Variants in PTPRD observed in about 807,000 individuals in gnomAD.
The protein encoded by PTPRD is receptor-type tyrosine-protein phosphatase delta.
PTPRD carries 34 observed loss-of-function variants against 214.5 expected under a neutral mutation model. The ratio of observed to expected loss-of-function variants is 0.16; its 90% CI spans 0.12 to 0.21. The LOEUF is 0.21. Among genes scored for constraint, PTPRD ranks in the 10% least tolerant of loss-of-function variants. The pLI, the probability that PTPRD is intolerant of heterozygous loss-of-function variation, is 1.00. For synonymous variants in PTPRD, 1,128 were observed against 845.7 expected, an observed-to-expected ratio of 1.33 and a Z score of -5.79; for missense variants, 2,545 against 2,398.7, an observed-to-expected ratio of 1.06 and a Z score of -1.27.
chr9:8,841,224 A>C (rs530749241), intron 11 of PTPRD, among the ~76,000 whole-genome samples: 1 of 152,178 alleles, frequency 6.6e-6, no homozygotes, highest in African/African-American at 2.4e-5. Context: ...ACATAAGCAC[A>C]ATTAAAAAAC....
intron 20 of PTPRD, among the ~76,000 whole-genome samples, chr9:8,520,995 G>C (rs1407970): frequency 0.8 from 122,075 of 152,044 alleles, 49,919 homozygotes; most frequent in African/African-American, 0.95. Flanking sequence ...TCGACCATGT[G>C]TAAAATTCCT....
At chr9:10,011,693 A>T (rs2096603429) in intron 4 of PTPRD, among the ~76,000 whole-genome samples, 1 of 152,012 alleles carries the variant, frequency 6.6e-6, no homozygotes, top group Admixed American at 6.6e-5. Context: ...AACTCTGGAC[A>T]TTTGTGGATT....
intron 11 of PTPRD, among the ~76,000 whole-genome samples, chr9:8,938,074 T>G (rs1348561355): frequency 6.6e-6 from 1 of 152,164 alleles, no homozygotes; most frequent in African/African-American, 2.4e-5. Context: ...TGAACAATTT[T>G]AATAACATGA....
chr9:10,025,668 T>A (rs900116552), intron 4 of PTPRD, among the ~76,000 whole-genome samples: 1 of 152,182 alleles, frequency 6.6e-6, no homozygotes, highest in Admixed American at 6.5e-5. Flanking sequence ...AAAAATTAGA[T>A]AACCTTTAAA....
chr9:9,153,527 G>A (rs1046971018), intron 10 of PTPRD, among the ~76,000 whole-genome samples: 3 of 152,116 alleles, frequency 2.0e-5, no homozygotes, highest in African/African-American at 7.2e-5. Context: ...TTCTCCATAT[G>A]CCATAAGGTA....
At chr9:10,273,195 G>C (rs972606926) in intron 3 of PTPRD, among the ~76,000 whole-genome samples, 1 of 152,128 alleles carries the variant, frequency 6.6e-6, no homozygotes, top group Non-Finnish European at 1.5e-5. Flanking sequence ...ATACACATGA[G>C]AGCTTGGAAA....
chr9:8,691,469 A>G (rs1015895862), intron 12 of PTPRD, among the ~76,000 whole-genome samples: 1 of 146,370 alleles, frequency 6.8e-6, no homozygotes, highest in Non-Finnish European at 1.5e-5. Context: ...TAAAGAGAGT[A>G]GCAGCAACAT....
chr9:9,930,315 C>G (rs1170284371), intron 5 of PTPRD, among the ~76,000 whole-genome samples: 1 of 152,060 alleles, frequency 6.6e-6, no homozygotes, highest in African/African-American at 2.4e-5. Context: ...TCAAATAGAA[C>G]ACACACAGAG....
intron 11 of PTPRD, among the ~76,000 whole-genome samples, chr9:8,925,620 T>G (rs1018025764): frequency 3.1e-5 from 4 of 127,514 alleles, no homozygotes; most frequent in Non-Finnish European, 4.7e-5. Context: ...TACCTCTGCA[T>G]GGAGATCCTC....
At position 10,233,168 on chromosome 9, in the gene PTPRD, G is replaced by A. The variant is rs1423401448; in HGVS notation, c.-545+107795C>T. Among the ~76,000 whole-genome samples, 5 of 152,108 alleles carry A rather than the reference G, an allele frequency of 3.3e-5. No homozygotes were observed. In the East Asian group the frequency reaches 9.7e-4, roughly 30 times the overall value. ...AATAAATAGTGTGGCTACTGTTGGT[G>A]CATTCATTTGCATATCAATGAAGAT... On this transcript the variant is annotated intron_variant, in intron 3 of 45. Coordinates refer to ENST00000381196, the MANE Select transcript of PTPRD (RefSeq NM_002839.4).
chr9:8,475,261 T>C (rs2135266890), intron 30 of PTPRD, among the ~76,000 whole-genome samples: 1 of 152,330 alleles, frequency 6.6e-6, no homozygotes, highest in South Asian at 2.1e-4. Flanking sequence ...TCTGTCCTTC[T>C]TGCCCTCTTA....
At chr9:9,689,543 T>G (rs188204027) in intron 7 of PTPRD, among the ~76,000 whole-genome samples, 14 of 152,008 alleles carry the variant, frequency 9.2e-5, no homozygotes, top group South Asian at 6.2e-4. Context: ...TATTGTTATT[T>G]TGACTATAGT....
chr9:10,404,096 G>T (rs1447234463), intron 2 of PTPRD, among the ~76,000 whole-genome samples: 1 of 151,758 alleles, frequency 6.6e-6, no homozygotes, highest in East Asian at 2.0e-4. Flanking sequence ...AAGGTAGACA[G>T]TGTATGCAAA....
chr9:9,931,865 C>A (rs1008526375), intron 5 of PTPRD, among the ~76,000 whole-genome samples: 1 of 150,536 alleles, frequency 6.6e-6, no homozygotes, highest in Non-Finnish European at 1.5e-5. Flanking sequence ...TCTCCCAGCA[C>A]GCAGCTGGAG....
At chr9:9,994,533 T>C (rs1310128380) in intron 4 of PTPRD, among the ~76,000 whole-genome samples, 1 of 152,118 alleles carries the variant, frequency 6.6e-6, no homozygotes, top group African/African-American at 2.4e-5. Context: ...TGAACTCAGC[T>C]GTTATAACAC....
chr9:9,161,388 C>A (rs1358778231), intron 10 of PTPRD, among the ~76,000 whole-genome samples: 1 of 152,020 alleles, frequency 6.6e-6, no homozygotes, highest in African/African-American at 2.4e-5. Flanking sequence ...TCTAACTCTT[C>A]TTTTTCATAT....
intron 9 of PTPRD, among the ~76,000 whole-genome samples, chr9:9,220,603 G>A (rs1306818984): frequency 6.6e-6 from 1 of 152,042 alleles, no homozygotes; most frequent in Non-Finnish European, 1.5e-5. Flanking sequence ...TGCAAATGAA[G>A]TGCTTTGAAT....
chr9:9,910,993 T>A (rs10978080), intron 5 of PTPRD, among the ~76,000 whole-genome samples: 1 of 151,786 alleles, frequency 6.6e-6, no homozygotes, highest in African/African-American at 2.4e-5. Flanking sequence ...TAGTTTCCAA[T>A]TCATTGTTTC....
chr9:8,986,679 G>T (rs907341488), intron 11 of PTPRD, among the ~76,000 whole-genome samples: 3 of 151,870 alleles, frequency 2.0e-5, no homozygotes, highest in Non-Finnish European at 2.9e-5. Context: ...CACAAATTTT[G>T]TAAAAACTTT....
Sources: gnomAD v4.1 joint callset for allele counts (sites outside exome capture counted in the v4.1 genomes callset) on GRCh38, gnomAD v4.1.1 for gene constraint, MANE v1.5 for transcripts, NCBI Gene and HGNC (gene_info 2026-07-23, HGNC 2026-07-21) for gene names.